NHS: variants seen among roughly 807,000 people sequenced by gnomAD.
The protein encoded by NHS is actin remodeling regulator NHS.
In NHS, 5 loss-of-function variants were observed where a neutral mutation model predicts 72.5. The ratio of observed to expected loss-of-function variants is 0.07; its 90% CI spans 0.04 to 0.14. The LOEUF (loss-of-function observed/expected upper bound fraction) is 0.14. NHS is among the 10% of genes least tolerant of loss of function. The pLI is 1.00. For synonymous variants in NHS, 464 were observed against 547.7 expected, an observed-to-expected ratio of 0.85 and a Z score of 2.13; for missense variants, 1,072 against 1,355.7, an observed-to-expected ratio of 0.79 and a Z score of 3.29.
chrX:17,545,086 C>T (rs910151541), intron 1 of NHS, among the ~76,000 whole-genome samples: 1 of 112,067 alleles, frequency 8.9e-6, no homozygotes, highest in Admixed American at 9.4e-5. Flanking sequence ...GGAGGCTGTG[C>T]CCTTTGAGCT....
At chrX:17,673,475 C>T (rs1009025033) in intron 1 of NHS, among the ~76,000 whole-genome samples, 1 of 111,349 alleles carries the variant, frequency 9.0e-6, no homozygotes, top group Admixed American at 9.5e-5. Flanking sequence ...CTATGGCCCT[C>T]GAGCAAGCAA....
intron 1 of NHS, among the ~76,000 whole-genome samples, chrX:17,379,643 CAG>C (rs2064365861): frequency 3.6e-5 from 4 of 111,305 alleles, no homozygotes; most frequent in African/African-American, 9.8e-5. Flanking sequence ...GGCGTGGTGG[CAG>C]GCGCCTGTAA....
chrX:17,444,444 C>T (rs893653832), intron 1 of NHS, among the ~76,000 whole-genome samples: 54 of 111,733 alleles, frequency 4.8e-4, no homozygotes, highest in Non-Finnish European at 9.4e-4. Flanking sequence ...CTTAGCTGCA[C>T]GTTGGATATA....
chrX:17,723,575 G>T (rs1309077225), intron 5 of NHS, among the ~76,000 whole-genome samples: 2 of 111,527 alleles, frequency 1.8e-5, no homozygotes, highest in African/African-American at 6.5e-5. Context: ...GCAGAACTGG[G>T]GACTGCCTTG....
At chrX:17,452,651 A>G (rs11798344) in intron 1 of NHS, among the ~76,000 whole-genome samples, 1,340 of 111,650 alleles carry the variant, frequency 0.012, 11 homozygotes, top group Non-Finnish European at 0.018. Context: ...AGCATGAGAG[A>G]GAGAGGCTGT....
intron 1 of NHS, among the ~76,000 whole-genome samples, chrX:17,622,035 T>C (rs1372467119): frequency 8.9e-6 from 1 of 112,063 alleles, no homozygotes; most frequent in East Asian, 2.8e-4. Context: ...TGTTTGTGTG[T>C]GCAAGGCCCT....
Position 17,727,738 on chromosome X carries a change from G to T in NHS, c.3632G>T (p.Gly1211Val), listed in dbSNP as rs1366718494. ...SFLDSSAVEM[G>V]PDKLHLEKNS... ...TTAGACTCTTCTGCAGTTGAGATGGGACCAGATAAACTACATTTAGAAAAA... is the reference window on the plus strand; with the variant it reads ...TTAGACTCTTCTGCAGTTGAGATGGTACCAGATAAACTACATTTAGAAAAA... Residue 1211 changes from glycine (G) to valine (V), a missense_variant, in exon 7 of 9, where the codon GGA becomes GTA. Transcript: ENST00000676302. 1 of 1,210,838 alleles carries T rather than the reference G, an allele frequency of 8.3e-7. No individual in the cohort carries two copies. Among genetic ancestry groups the T allele is most frequent in the South Asian group, 1.8e-5 (1 of 56,947 alleles).
chrX:17,573,466 G>A (rs776149153), intron 1 of NHS, among the ~76,000 whole-genome samples: 7 of 108,607 alleles, frequency 6.4e-5, no homozygotes, highest in Admixed American at 1.0e-4. Flanking sequence ...CTGCTTGATC[G>A]AGTCAGCTAT....
rs1232000073 is a variant in NHS at position 17,611,547 on chromosome X, C to CT, written c.566-76184dup. On this transcript the variant is annotated intron_variant, in intron 1 of 8. Coordinates refer to ENST00000676302, the MANE Select transcript of NHS (RefSeq NM_001291867.2). ...GAAAGAAACATTTTGAAAAGTTTTT[C>CT]TTTTTTTTTTTAATAGAAACTTGTC... Among the ~76,000 whole-genome samples, 706 of 104,287 alleles carry CT rather than the reference C, an allele frequency of 6.8e-3. 6 individuals are homozygous for CT. Among genetic ancestry groups the CT allele is most frequent in the African/African-American group, 0.023 (665 of 28,871 alleles). The allele number at this position is 104,287 out of a possible 115,157, so 90.6% of individuals were successfully genotyped here.
intron 1 of NHS, among the ~76,000 whole-genome samples, chrX:17,395,472 T>G (rs963043527): frequency 3.9e-4 from 44 of 112,555 alleles, no homozygotes; most frequent in Admixed American, 9.4e-5. Context: ...AGGCCTTTAC[T>G]ATCTAAAGCC....
In NHS at chrX:17,375,796, G is replaced by A. The variant is rs1242198826; in HGVS notation, c.39G>A (p.Leu13=). 1 of 1,152,689 alleles carries A rather than the reference G, an allele frequency of 8.7e-7. No homozygotes were observed. Among genetic ancestry groups the A allele is most frequent in the Non-Finnish European group, 1.1e-6 (1 of 871,874 alleles). 95.0% of individuals were successfully genotyped at this position (1,152,689 alleles called of 1,213,427 possible). ...AGCGGATCGTGGAGCCGCAATGGCT[G>A]TGCAGGCAGCGGCGCCCTGCGCCCG... ...FAKRIVEPQW[L]CRQRRPAPGP... is the part of the protein sequence containing the mutation. Residue 13 remains leucine, a synonymous_variant, in exon 1 of 9, where the codon CTG becomes CTA. Transcript: ENST00000676302.
intron 1 of NHS, among the ~76,000 whole-genome samples, chrX:17,492,289 C>T (rs1444184878): frequency 2.7e-5 from 3 of 112,342 alleles, no homozygotes; most frequent in Non-Finnish European, 5.6e-5. Flanking sequence ...AAGTTTCCCT[C>T]TAAACACTGC....
At chrX:17,696,974 A>G (rs942439371) in intron 3 of NHS, among the ~76,000 whole-genome samples, 1 of 111,664 alleles carries the variant, frequency 9.0e-6, no homozygotes, top group Non-Finnish European at 1.9e-5. Flanking sequence ...ATGAACTAGC[A>G]GTGGGTCCTA....
intron 1 of NHS, among the ~76,000 whole-genome samples, chrX:17,479,377 T>C (rs1184855009): frequency 1.8e-5 from 2 of 112,457 alleles, no homozygotes. Flanking sequence ...TGTGCATGTG[T>C]CTTTATAGTA....
chrX:17,550,660 T>C (rs1472183219), intron 1 of NHS, among the ~76,000 whole-genome samples: 1 of 112,125 alleles, frequency 8.9e-6, no homozygotes, highest in Non-Finnish European at 1.9e-5. Flanking sequence ...CTGTTGCCTG[T>C]CACCTGGATT....
Position 17,650,581 on chromosome X carries a change from T to A in NHS, c.566-37161T>A, listed in dbSNP as rs1253869838. The stretch of plus-strand genomic sequence containing the variant: ...TCCTCTCCTGTATCCCACCTCATGA[T>A]GGGAAAGGACCACATTCCCACCTAT... On this transcript the variant is annotated intron_variant, in intron 1 of 8. Transcript: ENST00000676302. Among the ~76,000 whole-genome samples the A allele has an allele frequency of 9.8e-5, 11 of 112,329 alleles. No individual in the cohort carries two copies. In the East Asian group the frequency reaches 3.1e-3, roughly 31 times the overall value.
chrX:17,539,040 C>T (rs971203992), intron 1 of NHS, among the ~76,000 whole-genome samples: 7 of 112,422 alleles, frequency 6.2e-5, no homozygotes, highest in African/African-American at 1.9e-4. Context: ...TACCCACATG[C>T]GTCTCTCATG....
rs140350560 is a variant in NHS at position 17,590,818 on chromosome X, C to A, written c.566-96924C>A. ...ATGTAAGAATACACACACATCCCCC[C>A]CAACACACACATACAAAGAAAAACC... On this transcript the variant is annotated intron_variant, in intron 1 of 8. Transcript: ENST00000676302. 1.7e-3 allele frequency among the ~76,000 whole-genome samples: 188 copies of A among 111,419 alleles called. 1 individual carries two copies. In the East Asian group the frequency reaches 0.032, roughly 19 times the overall value.
Position 17,677,890 on chromosome X carries a change from C to T in NHS, c.566-9852C>T, listed in dbSNP as rs998876493. 2.7e-5 allele frequency among the ~76,000 whole-genome samples: 3 copies of T among 111,842 alleles called. No homozygotes were observed. In the Admixed American group the frequency reaches 2.8e-4, roughly 11 times the overall value. On this transcript the variant is annotated intron_variant, in intron 1 of 8. Coordinates refer to ENST00000676302, the MANE Select transcript of NHS (RefSeq NM_001291867.2). ...TAGCACAATCTCAGCTCACTGCAGC[C>T]TCCACCTCCCAGGCTCAAGAGATCC... is the stretch of plus-strand genomic sequence containing the variant.
Sources: gnomAD v4.1 joint callset for allele counts (sites outside exome capture counted in the v4.1 genomes callset) on GRCh38, gnomAD v4.1.1 for gene constraint, MANE v1.5 for transcripts, NCBI Gene and HGNC (gene_info 2026-07-23, HGNC 2026-07-21) for gene names.